KDM4C: variants seen among roughly 807,000 people sequenced by gnomAD.
KDM4C encodes the protein lysine-specific demethylase 4C.
KDM4C carries 81 observed loss-of-function variants against 129.3 expected under a neutral mutation model. That is an observed-to-expected ratio of 0.63 (90% CI 0.52 to 0.75). KDM4C has a LOEUF of 0.75. Ranked by LOEUF, KDM4C falls within the 30% of genes least tolerant of loss-of-function variation. The pLI is 0.00. For synonymous variants in KDM4C, 573 were observed against 456.1 expected, an observed-to-expected ratio of 1.26 and a Z score of -3.26; for missense variants, 1,457 against 1,304.0, an observed-to-expected ratio of 1.12 and a Z score of -1.81.
At chr9:6,886,269 C>T (rs918479940) in intron 6 of KDM4C, among the ~76,000 whole-genome samples, 2 of 151,560 alleles carry the variant, frequency 1.3e-5, no homozygotes, top group Non-Finnish European at 1.5e-5. Context: ...TATTAAGAGA[C>T]ATTGTAAAGA....
chr9:6,882,772 TTGTGTGTG>T (rs3072026), intron 6 of KDM4C, among the ~76,000 whole-genome samples: 90 of 149,752 alleles, frequency 6.0e-4, no homozygotes, highest in African/African-American at 8.9e-4. Flanking sequence ...TTTTAAGCAT[TTGTGTGTG>T]TGTGTGTGTG....
intron 4 of KDM4C, 80 bp from the exon 5 acceptor site, chr9:6,849,427 T>C: frequency 8.3e-7 from 1 of 1,209,628 alleles, no homozygotes; most frequent in Non-Finnish European, 1.1e-6. Flanking sequence ...TTTTGGTGGA[T>C]AGTGGTTTGA....
intron 17 of KDM4C, among the ~76,000 whole-genome samples, chr9:7,057,473 C>G (rs2132647357): frequency 6.6e-6 from 1 of 152,328 alleles, no homozygotes; most frequent in East Asian, 1.9e-4. Flanking sequence ...AGCCCTGTAT[C>G]CTCCACTTGG....
intron 1 of KDM4C, among the ~76,000 whole-genome samples, chr9:6,777,022 T>C (rs1823221247): frequency 6.6e-6 from 1 of 152,206 alleles, no homozygotes; most frequent in Admixed American, 6.6e-5. Context: ...TTTATTGTCT[T>C]GTATTGTCAA....
intron 5 of KDM4C, 57 bp downstream of exon 5, chr9:6,849,757 C>A: frequency 7.4e-7 from 1 of 1,343,588 alleles, no homozygotes; most frequent in South Asian, 1.5e-5. Context: ...GGGCATCAGG[C>A]ACATATTGAA....
chr9:6,950,421 C>G (rs1827924015), intron 8 of KDM4C, among the ~76,000 whole-genome samples: 1 of 152,052 alleles, frequency 6.6e-6, no homozygotes, highest in African/African-American at 2.4e-5. Flanking sequence ...AGTGCAGCCT[C>G]TAGGTATGGG....
At position 6,874,150 on chromosome 9, in the gene KDM4C, G is replaced by A. The variant is rs116650661; in HGVS notation, c.630-5862G>A. 1.9e-3 allele frequency among the ~76,000 whole-genome samples: 290 copies of A among 152,332 alleles called. 3 individuals are homozygous for A. The highest frequency in any genetic ancestry group is 6.5e-3 in the African/African-American group (272 of 41,572). ...ATTGAAATGTGAGAATTACCAAAATGTGACACACACATTCAAAGCGAGCAC... is the reference window on the plus strand; with the variant it reads ...ATTGAAATGTGAGAATTACCAAAATATGACACACACATTCAAAGCGAGCAC... On this transcript the variant is annotated intron_variant, in intron 5 of 21. Transcript: ENST00000381309.
chr9:6,914,267 C>T (rs969560933), intron 8 of KDM4C, among the ~76,000 whole-genome samples: 1 of 152,158 alleles, frequency 6.6e-6, no homozygotes, highest in African/African-American at 2.4e-5. Context: ...CCGTGTTGGT[C>T]AGGCTGGTCT....
At chr9:6,756,675 C>T (rs1308470770), upstream of KDM4C, among the ~76,000 whole-genome samples, 1 of 152,214 alleles carries the variant, frequency 6.6e-6, no homozygotes, top group Non-Finnish European at 1.5e-5. Flanking sequence ...CGAGATAGCG[C>T]CATTGCACTC....
intron 17 of KDM4C, among the ~76,000 whole-genome samples, chr9:7,095,240 A>T (rs1231916630): frequency 6.6e-6 from 1 of 152,252 alleles, no homozygotes; most frequent in Non-Finnish European, 1.5e-5. Flanking sequence ...CAGTAAACAT[A>T]CATGAAACAG....
intron 12 of KDM4C, among the ~76,000 whole-genome samples, chr9:6,991,431 A>C (rs974720195): frequency 1.5e-4 from 23 of 152,056 alleles, no homozygotes; most frequent in Admixed American, 1.3e-3. Flanking sequence ...TTGTTGCCTC[A>C]AATTAAAAAT....
intron 2 of KDM4C, among the ~76,000 whole-genome samples, chr9:6,801,324 C>T (rs1828923147): frequency 7.7e-6 from 1 of 129,320 alleles, no homozygotes. Context: ...GTGATCTTGG[C>T]TCACTGCAAG....
intron 19 of KDM4C, among the ~76,000 whole-genome samples, chr9:7,135,185 C>T (rs1357876523): frequency 2.0e-5 from 3 of 152,198 alleles, no homozygotes; most frequent in Admixed American, 1.3e-4. Context: ...GAAAGTATGT[C>T]GTTGCCCTGA....
intron 18 of KDM4C, among the ~76,000 whole-genome samples, chr9:7,124,445 A>G (rs1367265287): frequency 6.6e-6 from 1 of 152,092 alleles, no homozygotes; most frequent in Non-Finnish European, 1.5e-5. Context: ...GTGGCCTCCT[A>G]GAGTTAGTTG....
intron 1 of KDM4C, among the ~76,000 whole-genome samples, chr9:6,724,409 A>ATT (rs1309587393): frequency 6.6e-6 from 1 of 152,206 alleles, no homozygotes; most frequent in East Asian, 1.9e-4. Flanking sequence ...TGACATGTCC[A>ATT]TTCTTGGATG....
rs775108127 is a variant in KDM4C at position 6,984,432 on chromosome 9, A to G, written c.1354+28A>G. On this transcript the variant is annotated intron_variant, in intron 10 of 21. Coordinates refer to ENST00000381309, the MANE Select transcript of KDM4C (RefSeq NM_015061.6). ...GAGAAGATGGTTGATTAGGTTTCAC[A>G]TATAAGTAGTAGGTGGTTGATGATC... The G allele has an allele frequency of 2.6e-5, 38 of 1,435,624 alleles. No individual in the cohort carries two copies. In the South Asian group the frequency reaches 4.1e-4, roughly 15 times the overall value. 88.9% of individuals were successfully genotyped at this position (1,435,624 alleles called of 1,614,324 possible).
At chr9:6,724,914 A>T (rs1817072515) in intron 1 of KDM4C, among the ~76,000 whole-genome samples, 1 of 152,154 alleles carries the variant, frequency 6.6e-6, no homozygotes, top group Admixed American at 6.6e-5. Context: ...GTTCTGAAAG[A>T]AGTCCAAAAT....
intron 19 of KDM4C, among the ~76,000 whole-genome samples, chr9:7,161,315 G>T (rs551631268): frequency 6.6e-6 from 1 of 152,140 alleles, no homozygotes; most frequent in Admixed American, 6.6e-5. Context: ...CCCTGCTTCA[G>T]CTTGCCCTCT....
At chr9:7,113,184 G>A (rs990269533) in intron 18 of KDM4C, among the ~76,000 whole-genome samples, 2 of 152,066 alleles carry the variant, frequency 1.3e-5, no homozygotes, top group Non-Finnish European at 2.9e-5. Flanking sequence ...GAATCTGATC[G>A]ATATTCCTAA....
Sources: allele counts gnomAD v4.1 joint callset (sites outside exome capture counted in the v4.1 genomes callset), GRCh38; gene constraint gnomAD v4.1.1; transcripts MANE v1.5; gene names NCBI Gene and HGNC (gene_info 2026-07-23, HGNC 2026-07-21).